The following GATC variants were observed in gnomAD, a reference collection of about 807,000 sequenced individuals.
The protein encoded by GATC is glutamyl-tRNA amidotransferase subunit C.
A neutral mutation model predicts 14.4 loss-of-function variants in GATC; 11 were observed. The ratio of observed to expected loss-of-function variants is 0.77; its 90% CI spans 0.48 to 1.27. The LOEUF is 1.27. GATC is among the 50% of genes most tolerant of loss of function. The pLI, the probability that GATC is intolerant of heterozygous loss-of-function variation, is 0.00. For synonymous variants in GATC, 76 were observed against 79.3 expected, an observed-to-expected ratio of 0.96 and a Z score of 0.22; for missense variants, 204 against 183.0, an observed-to-expected ratio of 1.11 and a Z score of -0.66.
chr12:120,455,543 C>T (rs1172962642), intron 2 of GATC, among the ~76,000 whole-genome samples: 4 of 152,218 alleles, frequency 2.6e-5, no homozygotes, highest in Non-Finnish European at 4.4e-5. Context: ...CAAGGCCACA[C>T]AGTTAAGAAT....
rs183039638 is a variant in GATC, at chr12:120,451,479, C to T, written c.254+4650C>T. ...AAACAAGGCTGGGCGTGGTGTTTCA[C>T]GCCTGTAATCCCAGCACTTTGGGAG... On this transcript the variant is annotated intron_variant, in intron 2 of 3. Coordinates refer to ENST00000551765, the MANE Select transcript of GATC (RefSeq NM_176818.3). Among the ~76,000 whole-genome samples, 527 of 150,656 alleles carry T rather than the reference C, an allele frequency of 3.5e-3. 2 individuals are homozygous for T. Among genetic ancestry groups the T allele is most frequent in the Non-Finnish European group, 5.7e-3 (387 of 67,662 alleles).
intron 3 of GATC, among the ~76,000 whole-genome samples, chr12:120,457,486 C>A (rs3847971): frequency 6.6e-6 from 1 of 151,836 alleles, no homozygotes; most frequent in African/African-American, 2.4e-5. Context: ...AGTTAAGACC[C>A]TGCCAGATCC....
In GATC at chr12:120,459,907, G is replaced by A; in HGVS notation, c.359G>A (p.Gly120Asp). Reference protein sequence around the residue: ...VVEEYFVAPPGNISLPKLDEQ... With the variant: ...VVEEYFVAPPDNISLPKLDEQ... ...ATTCTCTTTTGTTATTTTCAAACAG[G>A]TAATATCTCTTTGCCAAAGCTGGAT... is the stretch of plus-strand genomic sequence containing the variant. Residue 120 changes from glycine to aspartate, a missense_variant and splice_region_variant, in exon 4 of 4, where the codon GGT becomes GAT. Physicochemically the swap from Gly to Asp is moderately conservative, Grantham distance 94. Coordinates refer to ENST00000551765, the MANE Select transcript of GATC (RefSeq NM_176818.3). The A allele has an allele frequency of 6.2e-7, 1 of 1,610,580 alleles. No individual in the cohort carries two copies.
rs1374768386 is a variant in GATC, at chr12:120,457,064, T to TG, written c.255-9dup. ...CTCTGAGAGGGTAACCTTGAGCTTC[T>TG]GGGTTTTGTAGATGTCTATACCTGA... On this transcript the variant is annotated splice_polypyrimidine_tract_variant and intron_variant, in intron 2 of 3. Coordinates refer to ENST00000551765, the MANE Select transcript of GATC (RefSeq NM_176818.3). 3.1e-6 allele frequency: 5 copies of TG among 1,595,716 alleles called. No homozygotes were observed. The highest frequency in any genetic ancestry group is 1.7e-5 in the Admixed American group (1 of 59,954).
chr12:120,459,877 C>A (rs767122893), intron 3 of GATC, 30 bp from the exon 4 acceptor site: 3 of 1,586,984 alleles, frequency 1.9e-6, no homozygotes, highest in Non-Finnish European at 2.6e-6. Context: ...AACAAACAAA[C>A]AAAAATTCTC....
At chr12:120,456,830 A>G (rs1301641476) in intron 2 of GATC, among the ~76,000 whole-genome samples, 1 of 152,170 alleles carries the variant, frequency 6.6e-6, no homozygotes, top group Non-Finnish European at 1.5e-5. Flanking sequence ...CCATATAATC[A>G]TCAAAAACTA....
chr12:120,452,713 CTTTT>C (rs1048132008), intron 2 of GATC, among the ~76,000 whole-genome samples: 35 of 151,206 alleles, frequency 2.3e-4, no homozygotes, highest in African/African-American at 6.3e-4. Flanking sequence ...GAATCCAGAA[CTTTT>C]TTTTTCTCAT....
chr12:120,462,451 A>C lies in GATC; in HGVS notation c.*2492A>C. 1 of 259,452 alleles carries C rather than the reference A, an allele frequency of 3.9e-6. No individual in the cohort carries two copies. Among genetic ancestry groups the C allele is most frequent in the Non-Finnish European group, 7.4e-6 (1 of 134,648 alleles). The allele number at this position is 259,452 out of a possible 1,614,324, so 16.1% of individuals were successfully genotyped here. On this transcript the variant is annotated 3_prime_UTR_variant, in exon 4 of 4. Coordinates refer to ENST00000551765, the MANE Select transcript of GATC (RefSeq NM_176818.3). ...CTCAATTAACTATGATAAACAATAT[A>C]TCTGAATTACTGCCATTGACCCCCC...
intron 2 of GATC, among the ~76,000 whole-genome samples, chr12:120,452,200 C>T (rs962847319): frequency 9.2e-5 from 14 of 151,928 alleles, no homozygotes; most frequent in Non-Finnish European, 1.9e-4. Flanking sequence ...TTTTCACATG[C>T]AGTCCTGGAA....
At chr12:120,449,866 G>T (rs1037126383) in intron 2 of GATC, among the ~76,000 whole-genome samples, 1 of 151,892 alleles carries the variant, frequency 6.6e-6, no homozygotes. Context: ...AGGTTCAAGC[G>T]ATTCTCCTGC....
At chr12:120,456,831 T>A (rs1162844791) in intron 2 of GATC, among the ~76,000 whole-genome samples, 1 of 152,190 alleles carries the variant, frequency 6.6e-6, no homozygotes, top group Admixed American at 6.5e-5. Context: ...CATATAATCA[T>A]CAAAAACTAT....
chr12:120,462,189 G>C lies in GATC; in HGVS notation c.*2230G>C. The C allele has an allele frequency of 6.3e-7, 1 of 1,586,262 alleles. No individual in the cohort carries two copies. Among genetic ancestry groups the C allele is most frequent in the South Asian group, 1.1e-5 (1 of 88,268 alleles). ...TGAAATGCAAACAAAAACAAAAAGA[G>C]TAAAGGGGAAAAAAATCAGAGCCAG... On this transcript the variant is annotated 3_prime_UTR_variant, in exon 4 of 4. Transcript: ENST00000551765.
Position 120,447,080 on chromosome 12 carries a change from TG to T in GATC, c.254+252del, listed in dbSNP as rs1422170678. The stretch of plus-strand genomic sequence containing the variant: ...TGTTTTTTTTTTTGTTTGTTTGTTT[TG>T]TTTTTTTTTTTTTGAGACGGAGTCT... On this transcript the variant is annotated intron_variant, in intron 2 of 3. Transcript: ENST00000551765. Among the ~76,000 whole-genome samples the T allele has an allele frequency of 3.4e-3, 407 of 120,974 alleles. 2 individuals are homozygous for T. Among genetic ancestry groups the T allele is most frequent in the Non-Finnish European group, 4.1e-3 (247 of 60,870 alleles). 79.4% of individuals were successfully genotyped at this position (120,974 alleles called of 152,430 possible). A position where few individuals can be genotyped will look rare whatever the true frequency, so the allele number is the denominator to read the frequency against.
rs760167949 is a variant in GATC at position 120,462,057 on chromosome 12, C to T, written c.*2098C>T. On this transcript the variant is annotated 3_prime_UTR_variant, in exon 4 of 4. Coordinates refer to ENST00000551765, the MANE Select transcript of GATC (RefSeq NM_176818.3). ...AAAGGAGAGAAGTAGTGTGGGGAAC[C>T]CCTGCTTTGGTATGGAGAGTCACGG... is the stretch of plus-strand genomic sequence containing the variant. 3.1e-6 allele frequency: 5 copies of T among 1,611,548 alleles called. No individual in the cohort carries two copies. Among genetic ancestry groups the T allele is most frequent in the Non-Finnish European group, 3.4e-6 (4 of 1,179,746 alleles).
At chr12:120,455,300 T>C (rs1177606494) in intron 2 of GATC, among the ~76,000 whole-genome samples, 1 of 151,504 alleles carries the variant, frequency 6.6e-6, no homozygotes, top group East Asian at 2.0e-4. Context: ...TCCCGAGTAG[T>C]TGGGATCACA....
At position 120,446,646 on chromosome 12, in the gene GATC, CCCT is replaced by C; in HGVS notation, c.82-5_82-3del. The C allele has an allele frequency of 1.2e-6, 2 of 1,605,148 alleles. No homozygotes were observed. Among genetic ancestry groups the C allele is most frequent in the South Asian group, 1.1e-5 (1 of 90,666 alleles). On this transcript the variant is annotated splice_region_variant and splice_polypyrimidine_tract_variant and intron_variant, in intron 1 of 3. Coordinates refer to ENST00000551765, the MANE Select transcript of GATC (RefSeq NM_176818.3). The stretch of plus-strand genomic sequence containing the variant: ...CGGTGACCCACACTCCCCGCCTCAT[CCCT>C]CCTCCAGGGCAGTGGCCGGATCACG...
At chr12:120,454,576 T>C (rs1197050338) in intron 2 of GATC, among the ~76,000 whole-genome samples, 1 of 77,288 alleles carries the variant, frequency 1.3e-5, no homozygotes, top group African/African-American at 3.3e-5. Context: ...GCCTGGCTAA[T>C]TTTTTTTTTT....
intron 2 of GATC, 130 bp downstream of exon 2, chr12:120,446,959 C>G (rs191656710): frequency 1.2e-6 from 1 of 813,834 alleles, no homozygotes; most frequent in Non-Finnish European, 1.9e-6. Flanking sequence ...CCCACAGTCA[C>G]CTCGCGAGTC....
intron 2 of GATC, among the ~76,000 whole-genome samples, chr12:120,449,481 C>T (rs528522807): frequency 6.6e-6 from 1 of 152,008 alleles, no homozygotes; most frequent in Non-Finnish European, 1.5e-5. Flanking sequence ...GATGGAGTCT[C>T]ACTCTGTTGC....
Sources: gnomAD v4.1 joint callset for allele counts (sites outside exome capture counted in the v4.1 genomes callset) on GRCh38, gnomAD v4.1.1 for gene constraint, MANE v1.5 for transcripts, NCBI Gene and HGNC (gene_info 2026-07-23, HGNC 2026-07-21) for gene names.